SEMA6A: variants seen among roughly 807,000 people sequenced by gnomAD.
The protein encoded by SEMA6A is semaphorin-6A.
SEMA6A carries 25 observed loss-of-function variants against 96.8 expected under a neutral mutation model. The observed-to-expected ratio is 0.26, with a 90% CI of 0.19 to 0.36. The LOEUF (loss-of-function observed/expected upper bound fraction) is 0.36, where lower values mean the gene tolerates loss of function less well. Among genes scored for constraint, SEMA6A ranks in the 10% least tolerant of loss-of-function variants. The pLI is 1.00. For missense variants in SEMA6A, 1,363 were observed against 1,323.1 expected (o/e 1.03, Z -0.47); for synonymous variants, 612 against 518.0 (o/e 1.18, Z -2.46).
In SEMA6A at chr5:116,489,066, A is replaced by G. The variant is rs2112724028; in HGVS notation, c.536-59T>C. 2.7e-6 allele frequency: 4 copies of G among 1,491,278 alleles called. No individual in the cohort carries two copies. The South Asian group carries it at 5.3e-5, about 20-fold the overall frequency. 92.4% of individuals were successfully genotyped at this position (1,491,278 alleles called of 1,614,324 possible). The stretch of plus-strand genomic sequence containing the variant: ...GGAGCAAGTCAGTGGGGGTGGAGGA[A>G]TAATAAAGACATCCCCTAGATTGCT... On this transcript the variant is annotated intron_variant, in intron 7 of 18. Coordinates refer to ENST00000343348, the MANE Select transcript of SEMA6A (RefSeq NM_020796.5).
chr5:116,521,988 A>C (rs186799704), intron 1 of SEMA6A, among the ~76,000 whole-genome samples: 1 of 152,220 alleles, frequency 6.6e-6, no homozygotes, highest in African/African-American at 2.4e-5. Context: ...TTTTGATCCA[A>C]ATAGCTTTGG....
intron 1 of SEMA6A, among the ~76,000 whole-genome samples, chr5:116,539,345 CTA>C (rs1045173802): frequency 5.0e-4 from 76 of 152,302 alleles, no homozygotes; most frequent in African/African-American, 1.8e-3. Flanking sequence ...TGCTAAAGAT[CTA>C]TAGACTATTG....
At chr5:116,568,541 T>G (rs1761095470) in intron 1 of SEMA6A, among the ~76,000 whole-genome samples, 1 of 152,204 alleles carries the variant, frequency 6.6e-6, no homozygotes, top group Non-Finnish European at 1.5e-5. Context: ...TGGCCAGTGG[T>G]TAGAATGCAG....
chr5:116,463,491 G>T (rs1755541657), intron 18 of SEMA6A, among the ~76,000 whole-genome samples: 1 of 152,108 alleles, frequency 6.6e-6, no homozygotes, highest in Non-Finnish European at 1.5e-5. Context: ...AATCTTACCG[G>T]AATATTATTT....
At chr5:116,541,648 C>G (rs1370298493) in intron 1 of SEMA6A, among the ~76,000 whole-genome samples, 1 of 152,146 alleles carries the variant, frequency 6.6e-6, no homozygotes, top group African/African-American at 2.4e-5. Flanking sequence ...GCCTGGCCAA[C>G]ATGGCGCAAC....
At chr5:116,532,132 T>G (rs568766421) in intron 1 of SEMA6A, among the ~76,000 whole-genome samples, 1 of 152,158 alleles carries the variant, frequency 6.6e-6, no homozygotes, top group African/African-American at 2.4e-5. Context: ...TATGTTCGAG[T>G]GCTATTTCTT....
intron 17 of SEMA6A, 191 bp downstream of exon 17, chr5:116,472,882 G>T: frequency 1.3e-6 from 2 of 1,496,712 alleles, no homozygotes; most frequent in South Asian, 2.6e-5. Context: ...TCCGTAAACT[G>T]ACCATACACT....
intron 15 of SEMA6A, among the ~76,000 whole-genome samples, chr5:116,477,088 C>T (rs1215534915): frequency 6.6e-6 from 1 of 152,188 alleles, no homozygotes; most frequent in Non-Finnish European, 1.5e-5. Context: ...GAAGAAAGAT[C>T]TGTGCTGTCT....
At chr5:116,534,120 A>G (rs1759610489) in intron 1 of SEMA6A, among the ~76,000 whole-genome samples, 1 of 152,186 alleles carries the variant, frequency 6.6e-6, no homozygotes, top group Admixed American at 6.5e-5. Flanking sequence ...TTCTAAAACT[A>G]TCTTTTTCTT....
intron 1 of SEMA6A, among the ~76,000 whole-genome samples, chr5:116,570,746 C>G (rs1253888108): frequency 6.6e-6 from 1 of 152,234 alleles, no homozygotes; most frequent in Non-Finnish European, 1.5e-5. Context: ...ACAGAATAAA[C>G]TATCTGACTT....
chr5:116,570,570 G>A, intron 1 of SEMA6A, among the ~76,000 whole-genome samples: 1 of 152,234 alleles, frequency 6.6e-6, no homozygotes, highest in East Asian at 1.9e-4. Context: ...AATGGCAGAT[G>A]CTTAATTAAA....
In SEMA6A at chr5:116,477,864, T is replaced by A. The variant is rs771486999; in HGVS notation, c.1631A>T (p.His544Leu). The change falls in exon 15 of 19, where the codon CAT becomes CTT. Residue 544 changes from histidine (H) to leucine (L), a missense_variant. By Grantham distance (99) the His-to-Leu change is moderately conservative. Coordinates refer to ENST00000343348, the MANE Select transcript of SEMA6A (RefSeq NM_020796.5). ...TGCCTACCTGCTGTTGGGTGATAAA[T>A]GGCTGCAGGCACCACCTTCCTTTAT... ...GWIKEGGACS[H>L]LSPNSRLTFE... is the part of the protein sequence containing the mutation. 1.9e-6 allele frequency: 3 copies of A among 1,613,788 alleles called. No homozygotes were observed. The highest frequency in any genetic ancestry group is 3.3e-5 in the Admixed American group (2 of 59,988).
At chr5:116,489,745 G>A (rs73254624) in intron 7 of SEMA6A, among the ~76,000 whole-genome samples, 3,784 of 152,296 alleles carry the variant, frequency 0.025, 163 homozygotes, top group African/African-American at 0.085. Flanking sequence ...GGGGAGATAC[G>A]ATTGAGGGTA....
At chr5:116,452,559 T>A (rs1754707293) in intron 18 of SEMA6A, among the ~76,000 whole-genome samples, 1 of 152,176 alleles carries the variant, frequency 6.6e-6, no homozygotes, top group South Asian at 2.1e-4. Flanking sequence ...AACATGTGAT[T>A]CAAAATAAGA....
chr5:116,483,663 A>T (rs1358006229), intron 10 of SEMA6A, among the ~76,000 whole-genome samples: 2 of 152,242 alleles, frequency 1.3e-5, no homozygotes, highest in Non-Finnish European at 2.9e-5. Flanking sequence ...TTAAAGCAAG[A>T]AATAGGGAGA....
At chr5:116,503,014 T>A (rs1757961585) in intron 2 of SEMA6A, among the ~76,000 whole-genome samples, 1 of 152,116 alleles carries the variant, frequency 6.6e-6, no homozygotes, top group South Asian at 2.1e-4. Context: ...ACTTGGTGAG[T>A]CAATGAGCAT....
At chr5:116,448,196 ATT>A (rs1754387385) in intron 18 of SEMA6A, among the ~76,000 whole-genome samples, 2 of 138,638 alleles carry the variant, frequency 1.4e-5, no homozygotes, top group African/African-American at 2.8e-5. Flanking sequence ...AAAAAAAAAA[ATT>A]AGCCAGGCGC....
intron 2 of SEMA6A, among the ~76,000 whole-genome samples, chr5:116,503,683 T>G (rs1317688253): frequency 6.6e-6 from 1 of 152,032 alleles, no homozygotes; most frequent in African/African-American, 2.4e-5. Context: ...CTGATTTTTT[T>G]TTCTTTTGTA....
At chr5:116,486,630 G>T in intron 10 of SEMA6A, 119 bp downstream of exon 10, 1 of 780,922 alleles carries the variant, frequency 1.3e-6, no homozygotes, top group South Asian at 1.7e-5. Flanking sequence ...GTGCTTCTTA[G>T]CTACACACAA....
Sources: gnomAD v4.1 joint callset for allele counts (sites outside exome capture counted in the v4.1 genomes callset) on GRCh38, gnomAD v4.1.1 for gene constraint, MANE v1.5 for transcripts, NCBI Gene and HGNC (gene_info 2026-07-23, HGNC 2026-07-21) for gene names.